The following RNF169 variants were observed in gnomAD, a reference collection of about 807,000 sequenced individuals.
RNF169 encodes the protein ring finger protein 169.
In RNF169, 24 loss-of-function variants were observed where a neutral mutation model predicts 53.9. That is an observed-to-expected ratio of 0.45 (90% CI 0.32 to 0.63). RNF169 has a LOEUF of 0.63. Ranked by LOEUF, RNF169 falls within the 20% of genes least tolerant of loss-of-function variation. RNF169 has a pLI of 0.04. For missense variants in RNF169, 883 were observed against 906.2 expected, an observed-to-expected ratio of 0.97 and a Z score of 0.33; for synonymous variants, 396 against 363.5, an observed-to-expected ratio of 1.09 and a Z score of -1.02.
chr11:74,825,932 GA>G (rs1184880584), intron 4 of RNF169, among the ~76,000 whole-genome samples: 1 of 152,168 alleles, frequency 6.6e-6, no homozygotes, highest in Non-Finnish European at 1.5e-5. Flanking sequence ...GAGGCCTCAG[GA>G]AACTTACAAT....
chr11:74,775,817 A>G (rs2035325095), intron 1 of RNF169, among the ~76,000 whole-genome samples: 1 of 152,156 alleles, frequency 6.6e-6, no homozygotes, highest in Admixed American at 6.5e-5. Flanking sequence ...ATTTATTTAT[A>G]TGTCTGTCTC....
chr11:74,783,136 G>C (rs528747325), intron 1 of RNF169, among the ~76,000 whole-genome samples: 2 of 152,196 alleles, frequency 1.3e-5, no homozygotes, highest in South Asian at 4.1e-4. Context: ...ACAGTTGAGT[G>C]AGGTTCTTTT....
At chr11:74,823,294 G>C (rs184753101) in intron 4 of RNF169, among the ~76,000 whole-genome samples, 1 of 152,070 alleles carries the variant, frequency 6.6e-6, no homozygotes, top group Non-Finnish European at 1.5e-5. Context: ...ACTTTGCCTG[G>C]TGACATGAGC....
intron 1 of RNF169, among the ~76,000 whole-genome samples, chr11:74,788,518 G>A (rs543880140): frequency 2.6e-5 from 4 of 151,986 alleles, no homozygotes; most frequent in South Asian, 2.1e-4. Flanking sequence ...TCAGCCTCTC[G>A]GGTAGCTGGG....
At chr11:74,767,467 G>T (rs191470901) in intron 1 of RNF169, among the ~76,000 whole-genome samples, 6 of 152,166 alleles carry the variant, frequency 3.9e-5, no homozygotes, top group Non-Finnish European at 7.4e-5. Flanking sequence ...GTTCGGTGGC[G>T]TGATTTTGGC....
intron 2 of RNF169, among the ~76,000 whole-genome samples, chr11:74,789,963 C>T (rs913266089): frequency 6.6e-6 from 1 of 152,152 alleles, no homozygotes; most frequent in Non-Finnish European, 1.5e-5. Flanking sequence ...TAACTGGCCA[C>T]CAGAGAAGTA....
chr11:74,815,507 G>A (rs919426502), intron 3 of RNF169, among the ~76,000 whole-genome samples: 2 of 152,032 alleles, frequency 1.3e-5, no homozygotes, highest in African/African-American at 4.8e-5. Flanking sequence ...AGTGTGCCGG[G>A]ATCGTGCCAC....
intron 1 of RNF169, among the ~76,000 whole-genome samples, chr11:74,764,484 C>G (rs1217395782): frequency 1.3e-5 from 2 of 152,074 alleles, no homozygotes; most frequent in Non-Finnish European, 2.9e-5. Context: ...CCATTGCACT[C>G]CAGCTTGGGC....
At chr11:74,759,727 G>C (rs1295664929) in intron 1 of RNF169, among the ~76,000 whole-genome samples, 3 of 146,098 alleles carry the variant, frequency 2.1e-5, no homozygotes, top group African/African-American at 7.7e-5. Flanking sequence ...TTTTATTGAG[G>C]ATTTTTGCAT....
At chr11:74,785,585 G>A (rs984900105) in intron 1 of RNF169, among the ~76,000 whole-genome samples, 1 of 151,894 alleles carries the variant, frequency 6.6e-6, no homozygotes, top group African/African-American at 2.4e-5. Context: ...TATTCAAGAA[G>A]TACTTTACTT....
Position 74,777,976 on chromosome 11 carries a change from C to T in RNF169, c.503-11650C>T, listed in dbSNP as rs142780633. ...CACTAATCCAGAGATTAGCAAACTA[C>T]GGTCAGCAGGCCAGATGCAGCTTCA... On this transcript the variant is annotated intron_variant, in intron 1 of 5. Coordinates refer to ENST00000299563, the MANE Select transcript of RNF169 (RefSeq NM_001098638.2). Among the ~76,000 whole-genome samples, 90 of 152,236 alleles carry T rather than the reference C, an allele frequency of 5.9e-4. No individual in the cohort carries two copies. The East Asian group carries it at 0.016, about 27-fold the overall frequency.
chr11:74,754,158 A>G (rs531308220), intron 1 of RNF169, among the ~76,000 whole-genome samples: 1 of 152,336 alleles, frequency 6.6e-6, no homozygotes, highest in East Asian at 1.9e-4. Context: ...ATGAAATATT[A>G]AAGATCTCTC....
rs569690302 is a variant in RNF169 at position 74,792,093 on chromosome 11, A to G, written c.576+2394A>G. 5.3e-5 allele frequency among the ~76,000 whole-genome samples: 8 copies of G among 152,362 alleles called. No individual in the cohort carries two copies. The South Asian group carries it at 1.7e-3, about 32-fold the overall frequency. ...TATATTCTCTGATCTTTGCTTGTAA[A>G]TGAGGGTGTCAGATGTTGACCTGAA... On this transcript the variant is annotated intron_variant, in intron 2 of 5. Transcript: ENST00000299563.
In RNF169 at chr11:74,834,726, A is replaced by G; in HGVS notation, c.893A>G (p.Gln298Arg). Residue 298 changes from glutamine to arginine, a missense_variant, in exon 5 of 6, where the codon CAG becomes CGG. This residue lies in a region of RNF169 where 219 missense variants were observed against 289.1 expected (regional missense o/e 0.76). Transcript: ENST00000299563. The stretch of plus-strand genomic sequence containing the variant: ...AGTCAGAGCTGTAGTGACACAGCCC[A>G]GGAAAGAGCGAAGAGCAGAGTCAGA... ...ERSQSCSDTA[Q>R]ERAKSRVRAV... The G allele has an allele frequency of 6.2e-7, 1 of 1,614,078 alleles. No individual in the cohort carries two copies. The highest frequency in any genetic ancestry group is 2.2e-5 in the East Asian group (1 of 44,880).
intron 1 of RNF169, among the ~76,000 whole-genome samples, chr11:74,753,937 T>C (rs1377807909): frequency 6.6e-6 from 1 of 152,202 alleles, no homozygotes; most frequent in Non-Finnish European, 1.5e-5. Context: ...CTTTTGGATA[T>C]AGTATCAGTT....
At chr11:74,809,608 C>G (rs545233990) in intron 2 of RNF169, among the ~76,000 whole-genome samples, 1 of 152,160 alleles carries the variant, frequency 6.6e-6, no homozygotes, top group Non-Finnish European at 1.5e-5. Context: ...TTGCTTGAGC[C>G]CTGGAGTTCA....
chr11:74,752,354 T>C (rs959099380), intron 1 of RNF169, among the ~76,000 whole-genome samples: 3 of 151,898 alleles, frequency 2.0e-5, no homozygotes, highest in Admixed American at 6.6e-5. Flanking sequence ...TCTGGCACTT[T>C]GGGAGGCTAA....
chr11:74,826,812 T>C (rs982865373), intron 4 of RNF169, among the ~76,000 whole-genome samples: 1 of 152,238 alleles, frequency 6.6e-6, no homozygotes, highest in African/African-American at 2.4e-5. Context: ...ATGTCTCACA[T>C]TCAGGTCACA....
chr11:74,791,600 C>G (rs751450543), intron 2 of RNF169, among the ~76,000 whole-genome samples: 5 of 152,258 alleles, frequency 3.3e-5, no homozygotes, highest in Non-Finnish European at 7.3e-5. Flanking sequence ...TGAGTCTGCT[C>G]TCACCCAGCT....
Sources: allele counts gnomAD v4.1 joint callset (sites outside exome capture counted in the v4.1 genomes callset), GRCh38; gene constraint gnomAD v4.1.1; regional missense constraint gnomAD v4.1.1; transcripts MANE v1.5; gene names NCBI Gene and HGNC (gene_info 2026-07-23, HGNC 2026-07-21).